The following LYN variants were observed in gnomAD, a reference collection of about 807,000 sequenced individuals.
LYN encodes the protein LYN proto-oncogene, Src family tyrosine kinase.
LYN carries 12 observed loss-of-function variants against 65.0 expected under a neutral mutation model. That is an observed-to-expected ratio of 0.18 (90% CI 0.12 to 0.30). The LOEUF (loss-of-function observed/expected upper bound fraction) is 0.30. Ranked by LOEUF, LYN falls within the 10% of genes least tolerant of loss-of-function variation. LYN has a pLI of 1.00. For missense variants in LYN, 380 were observed against 623.2 expected (o/e 0.61, Z 4.16); for synonymous variants, 222 against 221.2 (o/e 1.00, Z -0.03).
intron 10 of LYN, among the ~76,000 whole-genome samples, chr8:55,979,666 G>T (rs1319346290): frequency 6.6e-6 from 1 of 152,154 alleles, no homozygotes; most frequent in East Asian, 1.9e-4. Flanking sequence ...GCATTCCCCA[G>T]GTTTTGCTGA....
At chr8:55,963,247 C>T (rs1285601767) in intron 8 of LYN, among the ~76,000 whole-genome samples, 1 of 152,192 alleles carries the variant, frequency 6.6e-6, no homozygotes, top group East Asian at 1.9e-4. Flanking sequence ...TTTGCTGGAT[C>T]GTAAGGTGTA....
At chr8:55,939,786 T>G (rs115943078) in intron 1 of LYN, among the ~76,000 whole-genome samples, 1,703 of 152,206 alleles carry the variant, frequency 0.011, 30 homozygotes, top group African/African-American at 0.039. Flanking sequence ...TGACGGGGCG[T>G]GGGAGGGATG....
chr8:56,004,536 C>T (rs1177818198), intron 12 of LYN, among the ~76,000 whole-genome samples: 1 of 151,826 alleles, frequency 6.6e-6, no homozygotes, highest in Non-Finnish European at 1.5e-5. Flanking sequence ...TCAGGTGATC[C>T]ACCCACCTCA....
chr8:55,977,190 A>AAAAAAT (rs1807782159), intron 10 of LYN, among the ~76,000 whole-genome samples: 1 of 152,290 alleles, frequency 6.6e-6, no homozygotes, highest in East Asian at 1.9e-4. Context: ...TGTCTCAAAA[A>AAAAAAT]AAAAATAAAA....
intron 1 of LYN, among the ~76,000 whole-genome samples, chr8:55,917,160 AG>A (rs1805800460): frequency 2.0e-5 from 3 of 149,984 alleles, no homozygotes; most frequent in African/African-American, 7.4e-5. Flanking sequence ...TGGGTGATAG[AG>A]TGAGATTCTG....
chr8:55,903,674 A>G (rs1456995096), intron 1 of LYN, among the ~76,000 whole-genome samples: 2 of 152,244 alleles, frequency 1.3e-5, no homozygotes, highest in African/African-American at 4.8e-5. Context: ...TTTTGAAAGT[A>G]ACTTGTTACC....
intron 1 of LYN, among the ~76,000 whole-genome samples, chr8:55,905,709 A>AGGGAGAGCCTCACTCCTCTCCCATCTGTT (rs1283725043): frequency 3.3e-5 from 5 of 152,256 alleles, no homozygotes; most frequent in Admixed American, 6.5e-5. Flanking sequence ...GCAGGGGAGC[A>AGGGAGAGCCTCACTCCTCTCCCATCTGTT]GGGAGAGCCT....
chr8:55,985,944 A>T (rs112784952), intron 10 of LYN, among the ~76,000 whole-genome samples: 1,526 of 152,252 alleles, frequency 0.01, 29 homozygotes, highest in African/African-American at 0.035. Context: ...AGGCAGGAGG[A>T]TCAGTTGAAC....
chr8:55,895,518 G>C (rs971725413), intron 1 of LYN: 1 of 152,106 alleles, frequency 6.6e-6, no homozygotes, highest in African/African-American at 2.4e-5. Flanking sequence ...GGCTGGGTGT[G>C]GTGGCTCACA....
intron 1 of LYN, among the ~76,000 whole-genome samples, chr8:55,894,853 A>AT (rs1036030020): frequency 2.0e-5 from 3 of 149,274 alleles, no homozygotes; most frequent in African/African-American, 7.4e-5. Context: ...TAATTTTTGT[A>AT]TTTTTTGTAG....
chr8:55,921,278 A>T (rs574093898), intron 1 of LYN, among the ~76,000 whole-genome samples: 3 of 152,204 alleles, frequency 2.0e-5, no homozygotes, highest in Non-Finnish European at 4.4e-5. Flanking sequence ...TTTGTTGCTG[A>T]CTTGGTAACC....
At chr8:55,900,607 G>A (rs1457602384) in intron 1 of LYN, among the ~76,000 whole-genome samples, 6 of 148,100 alleles carry the variant, frequency 4.1e-5, no homozygotes, top group African/African-American at 1.3e-4. Flanking sequence ...TCTCAAACTC[G>A]TGGCCTCAAA....
chr8:55,947,575 T>G (rs1281777223), intron 3 of LYN, 43 bp from the exon 4 acceptor site: 1 of 1,426,798 alleles, frequency 7.0e-7, no homozygotes, highest in Non-Finnish European at 9.9e-7. Flanking sequence ...AAAACGCTTC[T>G]GCTGATGGAT....
intron 8 of LYN, among the ~76,000 whole-genome samples, chr8:55,960,657 G>A (rs1807245820): frequency 1.3e-5 from 2 of 152,134 alleles, no homozygotes; most frequent in South Asian, 4.1e-4. Context: ...TTTCTCAAAG[G>A]ATAAGCAGGC....
chr8:55,959,155 C>T (rs1022219870), intron 8 of LYN, among the ~76,000 whole-genome samples: 1 of 152,074 alleles, frequency 6.6e-6, no homozygotes, highest in Non-Finnish European at 1.5e-5. Flanking sequence ...TTGTTGTTGG[C>T]TGGTTGGCTT....
intron 8 of LYN, among the ~76,000 whole-genome samples, chr8:55,961,714 T>C (rs1439913014): frequency 6.6e-6 from 1 of 152,138 alleles, no homozygotes; most frequent in Non-Finnish European, 1.5e-5. Context: ...AAAAGGGAAA[T>C]GGTTTTGTTT....
At chr8:55,904,322 A>G (rs575471218) in intron 1 of LYN, among the ~76,000 whole-genome samples, 20 of 152,166 alleles carry the variant, frequency 1.3e-4, no homozygotes, top group Non-Finnish European at 2.8e-4. Context: ...AATGAAAATA[A>G]ATTTCTTAGA....
intron 10 of LYN, among the ~76,000 whole-genome samples, chr8:55,989,854 A>G (rs1294685641): frequency 6.6e-6 from 1 of 152,220 alleles, no homozygotes; most frequent in Non-Finnish European, 1.5e-5. Flanking sequence ...GACATAAATC[A>G]GTACACAGAA....
chr8:55,955,961 T>C (rs998733272), intron 8 of LYN, among the ~76,000 whole-genome samples: 1 of 152,244 alleles, frequency 6.6e-6, no homozygotes, highest in African/African-American at 2.4e-5. Context: ...TTGACTGTTA[T>C]GAATAATGCT....
Sources: allele counts gnomAD v4.1 joint callset (sites outside exome capture counted in the v4.1 genomes callset), GRCh38; gene constraint gnomAD v4.1.1; transcripts MANE v1.5; gene names NCBI Gene and HGNC (gene_info 2026-07-23, HGNC 2026-07-21).